The following SDC2 variants were observed in gnomAD, a reference collection of about 807,000 sequenced individuals.
SDC2 encodes the protein syndecan-2.
In SDC2, 13 loss-of-function variants were observed where a neutral mutation model predicts 22.2. The observed-to-expected ratio is 0.59, with a 90% confidence interval of 0.38 to 0.93. The LOEUF (loss-of-function observed/expected upper bound fraction) is 0.93, where lower values mean the gene tolerates loss of function less well. Ranked by LOEUF, SDC2 falls within the 40% of genes least tolerant of loss-of-function variation. The pLI is 0.00. For synonymous variants in SDC2, 94 were observed against 92.8 expected (o/e 1.01, Z -0.07); for missense variants, 235 against 246.8 (o/e 0.95, Z 0.32).
chr8:96,522,193 TG>T (rs1813507122), intron 1 of SDC2, among the ~76,000 whole-genome samples: 1 of 152,310 alleles, frequency 6.6e-6, no homozygotes, highest in African/African-American at 2.4e-5. Flanking sequence ...AAGGAAGGCT[TG>T]GAGTGCATGT....
intron 1 of SDC2, among the ~76,000 whole-genome samples, chr8:96,589,505 C>A (rs1229673596): frequency 1.3e-5 from 2 of 152,142 alleles, no homozygotes; most frequent in East Asian, 1.9e-4. Flanking sequence ...CTCTGCCTCC[C>A]AGGTTCAAGT....
At chr8:96,510,220 A>G (rs1813307388) in intron 1 of SDC2, among the ~76,000 whole-genome samples, 2 of 152,148 alleles carry the variant, frequency 1.3e-5, no homozygotes, top group Admixed American at 1.3e-4. Flanking sequence ...GAATATACTG[A>G]TCATGTATAG....
intron 1 of SDC2, among the ~76,000 whole-genome samples, chr8:96,578,731 C>T (rs1239194698): frequency 6.6e-6 from 1 of 152,102 alleles, no homozygotes; most frequent in Non-Finnish European, 1.5e-5. Flanking sequence ...GGTTTAGGCC[C>T]TTGATCAGCT....
chr8:96,584,827 G>A (rs966413708), intron 1 of SDC2: 4 of 152,238 alleles, frequency 2.6e-5, no homozygotes, highest in African/African-American at 9.6e-5. Context: ...ACATCTGTAA[G>A]TCATGAACAT....
intron 1 of SDC2, among the ~76,000 whole-genome samples, chr8:96,590,286 C>T (rs1814757119): frequency 6.6e-6 from 1 of 152,226 alleles, no homozygotes; most frequent in Admixed American, 6.5e-5. Flanking sequence ...ATTAAACAGC[C>T]TCGTTATGAC....
intron 1 of SDC2, among the ~76,000 whole-genome samples, chr8:96,564,331 T>G (rs573293157): frequency 7.9e-5 from 12 of 152,224 alleles, no homozygotes; most frequent in Non-Finnish European, 1.6e-4. Context: ...TAAAGGCACT[T>G]GATTTGAGTA....
At chr8:96,563,693 C>T (rs539246118) in intron 1 of SDC2, among the ~76,000 whole-genome samples, 4 of 152,096 alleles carry the variant, frequency 2.6e-5, no homozygotes, top group South Asian at 2.1e-4. Context: ...AATTCTAATA[C>T]GTTTTGGTTA....
At chr8:96,594,722 A>C (rs1232744203) in intron 2 of SDC2, among the ~76,000 whole-genome samples, 1 of 152,222 alleles carries the variant, frequency 6.6e-6, no homozygotes, top group Non-Finnish European at 1.5e-5. Flanking sequence ...TGGGTAATTT[A>C]TAAAAGAAAA....
At chr8:96,582,721 G>A (rs949969874) in intron 1 of SDC2, among the ~76,000 whole-genome samples, 8 of 152,168 alleles carry the variant, frequency 5.3e-5, no homozygotes, top group African/African-American at 1.9e-4. Flanking sequence ...TGGAACATCT[G>A]CCCAGCTCAC....
At chr8:96,551,278 G>GA (rs1294258049) in intron 1 of SDC2, among the ~76,000 whole-genome samples, 3 of 152,188 alleles carry the variant, frequency 2.0e-5, no homozygotes, top group Non-Finnish European at 4.4e-5. Context: ...GGGATTGAGA[G>GA]AAAACCTGCC....
rs1815142899 is a variant in SDC2, at chr8:96,609,624, T to A, written c.*76T>A. ...AAGCTTTTGCATAGAATAATGAAGA[T>A]CTTTGTTTTTTGTTTTCATTAAAGA... On this transcript the variant is annotated 3_prime_UTR_variant, in exon 5 of 5. Coordinates refer to ENST00000302190, the MANE Select transcript of SDC2 (RefSeq NM_002998.4). 6.6e-6 allele frequency: 7 copies of A among 1,066,276 alleles called. No individual in the cohort carries two copies. The highest frequency in any genetic ancestry group is 7.7e-6 in the Non-Finnish European group (6 of 781,566). 66.1% of individuals were successfully genotyped at this position (1,066,276 alleles called of 1,614,324 possible).
chr8:96,533,793 C>A (rs950285319), intron 1 of SDC2, among the ~76,000 whole-genome samples: 2 of 152,236 alleles, frequency 1.3e-5, no homozygotes, highest in Admixed American at 1.3e-4. Flanking sequence ...CCCAATGGAT[C>A]CTGCACTGGG....
chr8:96,526,310 C>T, intron 1 of SDC2, among the ~76,000 whole-genome samples: 1 of 101,668 alleles, frequency 9.8e-6, no homozygotes, highest in East Asian at 2.5e-4. Context: ...ATCACAAATA[C>T]TTTTACATAG....
intron 1 of SDC2, among the ~76,000 whole-genome samples, chr8:96,501,295 CTTTTTTTTTTTTTTTTT>C (rs35998270): frequency 3.6e-5 from 2 of 55,160 alleles, no homozygotes; most frequent in East Asian, 5.7e-4. Context: ...ATACGTATTT[CTTTTTTTTTTTTTTTTT>C]TTTTTTTTTT....
intron 1 of SDC2, among the ~76,000 whole-genome samples, chr8:96,513,600 T>C (rs1813359639): frequency 6.6e-6 from 1 of 152,246 alleles, no homozygotes; most frequent in African/African-American, 2.4e-5. Flanking sequence ...TTCTGTTTTT[T>C]CTTTTATTGG....
At position 96,494,118 on chromosome 8, in the gene SDC2, C is replaced by A; in HGVS notation, c.-154C>A. 1 of 705,930 alleles carries A rather than the reference C, an allele frequency of 1.4e-6. No individual in the cohort carries two copies. Among genetic ancestry groups the A allele is most frequent in the Non-Finnish European group, 2.2e-6 (1 of 446,394 alleles). 43.7% of individuals were successfully genotyped at this position (705,930 alleles called of 1,614,324 possible). A position where few individuals can be genotyped will look rare whatever the true frequency, so the allele number is the denominator to read the frequency against. ...GCGCAGGAGGAGGAAGCGAGCGCCC[C>A]CGAGCCCCGAGCCCGAGTCCCCGAG... On this transcript the variant is annotated 5_prime_UTR_variant, in exon 1 of 5. Transcript: ENST00000302190.
chr8:96,581,825 G>A (rs1814594917), intron 1 of SDC2, among the ~76,000 whole-genome samples: 1 of 152,020 alleles, frequency 6.6e-6, no homozygotes, highest in Non-Finnish European at 1.5e-5. Flanking sequence ...ATTTGTCATT[G>A]GTGAAAAAAA....
chr8:96,592,088 C>T (rs1216018220), intron 1 of SDC2, among the ~76,000 whole-genome samples: 1 of 152,188 alleles, frequency 6.6e-6, no homozygotes, highest in Non-Finnish European at 1.5e-5. Context: ...CAGGGTGGTC[C>T]AGGCCACTGG....
Position 96,545,045 on chromosome 8 carries a change from G to C in SDC2, c.61-48435G>C, listed in dbSNP as rs559884829. On this transcript the variant is annotated intron_variant, in intron 1 of 4. Transcript: ENST00000302190. ...AGTGAGTTGGCCCCTTTTGCTCTCT[G>C]TATTATCCTTTTAGGCTAAGCTGCA... is the stretch of plus-strand genomic sequence containing the variant. 3.9e-5 allele frequency among the ~76,000 whole-genome samples: 6 copies of C among 152,288 alleles called. No homozygotes were observed. The South Asian group carries it at 1.2e-3, about 32-fold the overall frequency.
Sources: gnomAD v4.1 joint callset for allele counts (sites outside exome capture counted in the v4.1 genomes callset) on GRCh38, gnomAD v4.1.1 for gene constraint, MANE v1.5 for transcripts, NCBI Gene and HGNC (gene_info 2026-07-23, HGNC 2026-07-21) for gene names.